The following REPS2 variants were observed in gnomAD, a reference collection of about 807,000 sequenced individuals.
REPS2 encodes ralBP1-associated Eps domain-containing protein 2.
Under a neutral mutation model 53.6 loss-of-function variants are expected in REPS2, and 23 were observed. The observed-to-expected ratio is 0.43, with a 90% CI of 0.31 to 0.61. REPS2 has a LOEUF of 0.61. REPS2 is among the 20% of genes least tolerant of loss of function. The pLI is 0.11. For missense variants in REPS2, 446 were observed against 534.9 expected, an observed-to-expected ratio of 0.83 and a Z score of 1.64; for synonymous variants, 238 against 218.6, an observed-to-expected ratio of 1.09 and a Z score of -0.78.
At chrX:17,181,432 T>C in the REPS2 span, among the ~76,000 whole-genome samples, 4 of 112,074 alleles carry the variant, frequency 3.6e-5, no homozygotes, top group South Asian at 1.5e-3. Context: ...GCCTGCATAA[T>C]GGGGCTTGCT....
rs1233181041 is a variant in REPS2, at chrX:17,151,823, A to G, written c.*4342A>G. 9.1e-6 allele frequency: 1 copy of G among 110,319 alleles called. No individual in the cohort carries two copies. The highest frequency in any genetic ancestry group is 1.9e-5 in the Non-Finnish European group (1 of 52,842). 9.1% of individuals were successfully genotyped at this position (110,319 alleles called of 1,213,427 possible). On this transcript the variant is annotated 3_prime_UTR_variant, in exon 18 of 18. Coordinates refer to ENST00000357277, the MANE Select transcript of REPS2 (RefSeq NM_004726.3). The stretch of plus-strand genomic sequence containing the variant: ...TCAAGGGTATTCTTTTAAAACTCTG[A>G]TTTCAAAGGATCAGTTGAATTTATA...
At chrX:17,045,750 A>T (rs141948001) in intron 5 of REPS2, among the ~76,000 whole-genome samples, 309 of 110,212 alleles carry the variant, frequency 2.8e-3, no homozygotes, top group African/African-American at 9.5e-3. Flanking sequence ...TATCCATTCT[A>T]CAGTTAGTAT....
chrX:17,040,007 A>G lies in REPS2; in HGVS notation c.772-7340A>G, dbSNP rs1171031299. 4.4e-5 allele frequency among the ~76,000 whole-genome samples: 5 copies of G among 112,800 alleles called. No homozygotes were observed. In the East Asian group the frequency reaches 1.4e-3, roughly 31 times the overall value. On this transcript the variant is annotated intron_variant, in intron 5 of 17. Transcript: ENST00000357277. ...ACATTAGGCTCAGAGAGATTCCTAC[A>G]GTTTGGCAGTCAGCCTTCTGAACTA...
chrX:17,143,379 GT>G lies in REPS2; in HGVS notation c.1915-4030del, dbSNP rs371338717. Reference sequence around the variant, plus strand: ...CTTGTTTTGTTTTGCATTTTGTTTGGTTTTGGTTTTCTCCTCTCTCCCTCTG... The same window carrying G: ...CTTGTTTTGTTTTGCATTTTGTTTGGTTTGGTTTTCTCCTCTCTCCCTCTG... On this transcript the variant is annotated intron_variant, in intron 17 of 17. Transcript: ENST00000357277. Among the ~76,000 whole-genome samples, 494 of 111,879 alleles carry G rather than the reference GT, an allele frequency of 4.4e-3. 7 individuals are homozygous for G. Among genetic ancestry groups the G allele is most frequent in the African/African-American group, 0.016 (481 of 30,846 alleles).
At chrX:17,045,407 G>A (rs926318584) in intron 5 of REPS2, among the ~76,000 whole-genome samples, 1 of 110,389 alleles carries the variant, frequency 9.1e-6, no homozygotes, top group Non-Finnish European at 1.9e-5. Context: ...CCCTTAGCTC[G>A]GAAAAAGGAT....
intron 14 of REPS2, among the ~76,000 whole-genome samples, chrX:17,119,206 C>G (rs2063106284): frequency 8.9e-6 from 1 of 112,252 alleles, no homozygotes; most frequent in East Asian, 2.8e-4. Flanking sequence ...TGATTCCTAC[C>G]TTGGCTATTT....
At chrX:17,135,169 G>A in intron 15 of REPS2, 92 bp from the exon 16 acceptor site, 2 of 940,633 alleles carry the variant, frequency 2.1e-6, no homozygotes, top group Non-Finnish European at 2.9e-6. Context: ...TCTTGGGGTT[G>A]GGGCTAAAGG....
chrX:17,138,720 A>C, intron 16 of REPS2, 136 bp from the exon 17 acceptor site: 1 of 348,036 alleles, frequency 2.9e-6, no homozygotes, highest in Non-Finnish European at 5.1e-6. Context: ...CCGCCTGTGA[A>C]TATGAGATTT....
chrX:17,156,055 G>A (rs1245282458), downstream of REPS2, among the ~76,000 whole-genome samples: 1 of 111,849 alleles, frequency 8.9e-6, no homozygotes, highest in Non-Finnish European at 1.9e-5. Context: ...AGGAGAAAAT[G>A]CTTCAAGTAG....
rs6629203 is a variant in REPS2 at position 17,060,733 on chromosome X, G to T, written c.1115-1705G>T. Among the ~76,000 whole-genome samples the T allele has an allele frequency of 0.011, 1,245 of 111,220 alleles. 45 individuals are homozygous for T. The East Asian group carries it at 0.16, about 15-fold the overall frequency. The stretch of plus-strand genomic sequence containing the variant: ...GGAATTTCAGGCCACAGTGGCTGGC[G>T]TGCACAGAACCGGGGTAGAGAGGCT... On this transcript the variant is annotated intron_variant, in intron 8 of 17. Coordinates refer to ENST00000357277, the MANE Select transcript of REPS2 (RefSeq NM_004726.3).
At chrX:17,140,445 A>G (rs1297728821) in intron 17 of REPS2, among the ~76,000 whole-genome samples, 1 of 110,763 alleles carries the variant, frequency 9.0e-6, no homozygotes. Context: ...ATATTTTAGT[A>G]TGAAAATTTT....
At chrX:17,105,789 G>T (rs1410757492) in intron 14 of REPS2, among the ~76,000 whole-genome samples, 2 of 112,150 alleles carry the variant, frequency 1.8e-5, no homozygotes, top group Non-Finnish European at 3.8e-5. Context: ...CACATATTCA[G>T]ATATATGAAG....
rs1456605179 is a variant in REPS2 at position 17,149,906 on chromosome X, G to T, written c.*2425G>T. On this transcript the variant is annotated 3_prime_UTR_variant, in exon 18 of 18. Coordinates refer to ENST00000357277, the MANE Select transcript of REPS2 (RefSeq NM_004726.3). ...TGGTTTTCATTAAGGGAAAAAACTT[G>T]CATTGGACAATCAAATTCCCCTGAG... 1 of 111,623 alleles carries T rather than the reference G, an allele frequency of 9.0e-6. No homozygotes were observed. Among genetic ancestry groups the T allele is most frequent in the African/African-American group, 3.3e-5 (1 of 30,674 alleles). The allele number at this position is 111,623 out of a possible 1,213,427, so 9.2% of individuals were successfully genotyped here.
At chrX:16,999,133 T>C (rs1005430115) in intron 1 of REPS2, among the ~76,000 whole-genome samples, 23 of 112,357 alleles carry the variant, frequency 2.0e-4, no homozygotes, top group African/African-American at 6.5e-4. Context: ...CCACAATTGA[T>C]TAAACTAATA....
chrX:17,024,113 A>C, intron 3 of REPS2, among the ~76,000 whole-genome samples: 1 of 98,394 alleles, frequency 1.0e-5, no homozygotes. Flanking sequence ...ACATAGCAAG[A>C]CCTCATTTCA....
intron 1 of REPS2, among the ~76,000 whole-genome samples, chrX:16,968,476 A>C (rs1185093102): frequency 7.4e-3 from 298 of 40,020 alleles, no homozygotes; most frequent in Admixed American, 0.013. Context: ...GGGGGCTGAC[A>C]CCCCCACCTC....
At chrX:17,184,635 A>G in the REPS2 span, among the ~76,000 whole-genome samples, 3 of 110,646 alleles carry the variant, frequency 2.7e-5, no homozygotes, top group South Asian at 1.2e-3. Flanking sequence ...ACTAGTTTAC[A>G]GTCCCACCAA....
intron 14 of REPS2, among the ~76,000 whole-genome samples, chrX:17,116,818 GT>G (rs1387465641): frequency 1.8e-5 from 2 of 111,520 alleles, no homozygotes; most frequent in Non-Finnish European, 3.8e-5. Context: ...TTCTATTTTT[GT>G]TTTTGTCAGG....
the REPS2 span, among the ~76,000 whole-genome samples, chrX:17,170,083 TA>T: frequency 8.9e-6 from 1 of 112,801 alleles, no homozygotes; most frequent in Non-Finnish European, 1.9e-5. Flanking sequence ...TTTATCATGT[TA>T]ATTCATTGAG....
Sources: gnomAD v4.1 joint callset for allele counts (sites outside exome capture counted in the v4.1 genomes callset) on GRCh38, gnomAD v4.1.1 for gene constraint, MANE v1.5 for transcripts, NCBI Gene and HGNC (gene_info 2026-07-23, HGNC 2026-07-21) for gene names.